Variants in SETBP1 observed in about 807,000 individuals in gnomAD.
SETBP1 encodes the protein SET binding protein 1, also known as SET-binding protein.
In SETBP1, 9 loss-of-function variants were observed where a neutral mutation model predicts 101.0. That is an observed-to-expected ratio of 0.09 (90% confidence interval 0.05 to 0.16). SETBP1 has a LOEUF of 0.16. SETBP1 is among the 10% of genes least tolerant of loss of function. The pLI is 1.00. For synonymous variants in SETBP1, 818 were observed against 788.5 expected (o/e 1.04, Z -0.63); for missense variants, 1,858 against 2,033.8 (o/e 0.91, Z 1.66).
At chr18:44,785,005 T>A (rs1156660022) in intron 2 of SETBP1, among the ~76,000 whole-genome samples, 1 of 152,212 alleles carries the variant, frequency 6.6e-6, no homozygotes, top group Non-Finnish European at 1.5e-5. Context: ...CCATTCAGCT[T>A]GTGACAACAG....
At chr18:44,758,674 G>T (rs757462986) in intron 2 of SETBP1, among the ~76,000 whole-genome samples, 3 of 152,286 alleles carry the variant, frequency 2.0e-5, no homozygotes, top group East Asian at 3.9e-4. Flanking sequence ...GAGCCACCAC[G>T]CCCGGCCTGA....
intron 3 of SETBP1, chr18:44,876,697 G>C (rs373605652): frequency 2.7e-5 from 41 of 1,503,876 alleles, no homozygotes; most frequent in Non-Finnish European, 3.5e-5. Flanking sequence ...CGCAAAACCC[G>C]GTTCTCTCAC....
intron 2 of SETBP1, among the ~76,000 whole-genome samples, chr18:44,867,670 A>G (rs2069158756): frequency 6.7e-6 from 1 of 150,228 alleles, no homozygotes; most frequent in South Asian, 2.1e-4. Context: ...GCTCTCCACC[A>G]GGGTGGTGCT....
Position 44,927,848 on chromosome 18 carries a change from G to A in SETBP1, c.541-22033G>A, listed in dbSNP as rs143342179. On this transcript the variant is annotated intron_variant, in intron 3 of 5. Transcript: ENST00000649279. ...TAGTGGGTAACTGCATTTATGATGG[G>A]TGTCAATACTAGTAATTAATTTTTA... is the stretch of plus-strand genomic sequence containing the variant. 3.6e-3 allele frequency among the ~76,000 whole-genome samples: 554 copies of A among 152,288 alleles called. 3 individuals carry two copies. Among genetic ancestry groups the A allele is most frequent in the Non-Finnish European group, 3.6e-3 (247 of 68,030 alleles).
chr18:44,719,449 A>G (rs1260473783), intron 2 of SETBP1, among the ~76,000 whole-genome samples: 1 of 152,180 alleles, frequency 6.6e-6, no homozygotes, highest in Non-Finnish European at 1.5e-5. Flanking sequence ...ATTAGTTCAG[A>G]TGACCTTTTC....
intron 3 of SETBP1, among the ~76,000 whole-genome samples, chr18:44,924,062 A>C (rs1352127260): frequency 1.3e-5 from 2 of 152,060 alleles, no homozygotes; most frequent in South Asian, 2.1e-4. Flanking sequence ...AAATCCCTAC[A>C]GTCATCTTTT....
intron 2 of SETBP1, among the ~76,000 whole-genome samples, chr18:44,818,208 T>A (rs74836770): frequency 6.6e-6 from 1 of 152,118 alleles, no homozygotes; most frequent in East Asian, 1.9e-4. Flanking sequence ...TTGAGAAGCA[T>A]TTTTTTTAAT....
chr18:44,745,111 G>T (rs963480098), intron 2 of SETBP1, among the ~76,000 whole-genome samples: 4 of 152,170 alleles, frequency 2.6e-5, no homozygotes, highest in Admixed American at 2.0e-4. Flanking sequence ...TTGTGCTGCG[G>T]CTGCTGCGAC....
At chr18:44,836,530 T>C (rs1344290828) in intron 2 of SETBP1, among the ~76,000 whole-genome samples, 1 of 152,208 alleles carries the variant, frequency 6.6e-6, no homozygotes, top group Non-Finnish European at 1.5e-5. Flanking sequence ...ACTCTTTCCT[T>C]AGGATTCTGA....
intron 3 of SETBP1, among the ~76,000 whole-genome samples, chr18:44,921,259 C>T (rs2144933912): frequency 6.6e-6 from 1 of 152,336 alleles, no homozygotes; most frequent in East Asian, 1.9e-4. Flanking sequence ...CCAGCTAGTA[C>T]AACTTACAAA....
intron 5 of SETBP1, among the ~76,000 whole-genome samples, chr18:45,049,989 C>G (rs1185517937): frequency 6.6e-6 from 1 of 152,156 alleles, no homozygotes; most frequent in Non-Finnish European, 1.5e-5. Context: ...AATGAGGCAG[C>G]AGTTGCTTTG....
chr18:44,700,860 G>T (rs1002256088), intron 1 of SETBP1, among the ~76,000 whole-genome samples: 7 of 152,164 alleles, frequency 4.6e-5, no homozygotes, highest in Non-Finnish European at 8.8e-5. Context: ...CAGTGACTCA[G>T]CCAGCTGAAG....
chr18:45,056,869 G>C (rs992976759), intron 5 of SETBP1, among the ~76,000 whole-genome samples: 1 of 152,182 alleles, frequency 6.6e-6, no homozygotes, highest in African/African-American at 2.4e-5. Context: ...AATAGGAGCA[G>C]AACACAGACC....
chr18:44,863,859 T>C (rs1235173403), intron 2 of SETBP1, among the ~76,000 whole-genome samples: 2 of 152,138 alleles, frequency 1.3e-5, no homozygotes, highest in Non-Finnish European at 2.9e-5. Flanking sequence ...GAAGAGCAAA[T>C]GACTTGGAGT....
chr18:44,925,025 T>TTG (rs1568219323), intron 3 of SETBP1, among the ~76,000 whole-genome samples: 2 of 145,024 alleles, frequency 1.4e-5, no homozygotes, highest in African/African-American at 5.1e-5. Flanking sequence ...TTTTTTTTTT[T>TTG]TTTTTTTTTT....
In SETBP1 at chr18:44,869,820, T is replaced by C. The variant is rs547821604; in HGVS notation, c.540+537T>C. The C allele has an allele frequency of 7.5e-4, 145 of 192,416 alleles. 1 individual carries two copies. Among genetic ancestry groups the C allele is most frequent in the Non-Finnish European group, 1.1e-3 (104 of 90,734 alleles). The allele number at this position is 192,416 out of a possible 1,614,324, so 11.9% of individuals were successfully genotyped here. ...TGTTTGGAGGTTACTATGGGCAAAC[T>C]GTGTGAGGATGTAGGCAAGGGCTTT... On this transcript the variant is annotated intron_variant, in intron 3 of 5. Coordinates refer to ENST00000649279, the MANE Select transcript of SETBP1 (RefSeq NM_015559.3).
At chr18:44,974,297 G>A (rs1459099158) in intron 4 of SETBP1, among the ~76,000 whole-genome samples, 1 of 152,156 alleles carries the variant, frequency 6.6e-6, no homozygotes. Context: ...AGAGGGAAGA[G>A]GGAAGCAGGA....
chr18:45,011,924 A>C (rs1217177029), intron 4 of SETBP1, among the ~76,000 whole-genome samples: 2 of 152,332 alleles, frequency 1.3e-5, no homozygotes, highest in Middle Eastern at 3.4e-3. Flanking sequence ...GTGGTTGTCG[A>C]TGATGTTGTT....
chr18:44,888,692 T>C (rs2069703440), intron 3 of SETBP1, among the ~76,000 whole-genome samples: 1 of 152,076 alleles, frequency 6.6e-6, no homozygotes, highest in African/African-American at 2.4e-5. Context: ...CCACAGAGAT[T>C]AATAACATTG....
Sources: allele counts gnomAD v4.1 joint callset (sites outside exome capture counted in the v4.1 genomes callset), GRCh38; gene constraint gnomAD v4.1.1; transcripts MANE v1.5; gene names NCBI Gene and HGNC (gene_info 2026-07-23, HGNC 2026-07-21).